Variants in TBC1D22A observed in about 807,000 individuals in gnomAD.
TBC1D22A encodes TBC1 domain family member 22A.
Under a neutral mutation model 60.2 loss-of-function variants are expected in TBC1D22A, and 38 were observed. The observed-to-expected ratio is 0.63, with a 90% CI of 0.49 to 0.83. TBC1D22A has a LOEUF of 0.83. TBC1D22A is among the 40% of genes least tolerant of loss of function. TBC1D22A has a pLI of 0.00. For missense variants in TBC1D22A, 628 were observed against 701.0 expected, an observed-to-expected ratio of 0.90 and a Z score of 1.18; for synonymous variants, 302 against 281.7, an observed-to-expected ratio of 1.07 and a Z score of -0.72.
chr22:46,806,341 A>ATTTT (rs34490073), intron 4 of TBC1D22A, among the ~76,000 whole-genome samples: 5 of 132,570 alleles, frequency 3.8e-5, no homozygotes, highest in Non-Finnish European at 7.9e-5. Flanking sequence ...CTCTGTTCTG[A>ATTTT]TTTTTTTTTT....
At chr22:46,779,410 CA>C (rs1555887735) in intron 1 of TBC1D22A, among the ~76,000 whole-genome samples, 3 of 151,950 alleles carry the variant, frequency 2.0e-5, no homozygotes, top group Non-Finnish European at 4.4e-5. Context: ...AGGTGCCCAC[CA>C]CCACACCTGG....
chr22:46,815,286 T>C (rs549932879), intron 4 of TBC1D22A, among the ~76,000 whole-genome samples: 1 of 152,346 alleles, frequency 6.6e-6, no homozygotes, highest in East Asian at 1.9e-4. Flanking sequence ...TGTTCACTCG[T>C]GTTGTCTTGC....
At chr22:47,146,665 G>A (rs560062000) in intron 12 of TBC1D22A, among the ~76,000 whole-genome samples, 1 of 152,212 alleles carries the variant, frequency 6.6e-6, no homozygotes, top group African/African-American at 2.4e-5. Flanking sequence ...GACAGGCAGC[G>A]AGATGGTTCT....
chr22:47,068,009 C>T (rs17175157), intron 11 of TBC1D22A, among the ~76,000 whole-genome samples: 16,397 of 152,300 alleles, frequency 0.11, 1,066 homozygotes, highest in Admixed American at 0.17. Flanking sequence ...AGGAGCCTTC[C>T]ATTGAGAGGG....
chr22:47,118,127 A>G (rs1004484253), intron 12 of TBC1D22A, among the ~76,000 whole-genome samples: 2 of 152,206 alleles, frequency 1.3e-5, no homozygotes, highest in African/African-American at 4.8e-5. Flanking sequence ...CGTCTCAAAA[A>G]AAATACATAA....
intron 4 of TBC1D22A, among the ~76,000 whole-genome samples, chr22:46,835,289 G>A (rs2086469809): frequency 1.3e-5 from 2 of 152,186 alleles, no homozygotes. Flanking sequence ...AACAGATGGA[G>A]ATCTACAAAT....
intron 9 of TBC1D22A, among the ~76,000 whole-genome samples, chr22:46,988,350 T>C (rs1190083483): frequency 1.3e-5 from 2 of 152,248 alleles, no homozygotes; most frequent in African/African-American, 2.4e-5. Context: ...TAATGGCATC[T>C]AGAAAAGCAG....
chr22:46,977,656 A>G (rs537581763), intron 9 of TBC1D22A, among the ~76,000 whole-genome samples: 7 of 152,336 alleles, frequency 4.6e-5, no homozygotes, highest in African/African-American at 1.7e-4. Context: ...AAGAGGTTTA[A>G]TTAGCTCACA....
intron 11 of TBC1D22A, among the ~76,000 whole-genome samples, chr22:47,045,744 T>G (rs4481): frequency 0.71 from 107,203 of 151,980 alleles, 38,314 homozygotes; most frequent in East Asian, 0.92. Context: ...CCCTGTGGGG[T>G]ACCTGCTGTG....
At chr22:47,060,720 CA>C (rs1444442514) in intron 11 of TBC1D22A, among the ~76,000 whole-genome samples, 2 of 152,218 alleles carry the variant, frequency 1.3e-5, no homozygotes, top group African/African-American at 4.8e-5. Context: ...GATGGTTCAG[CA>C]GACAAATAAT....
intron 12 of TBC1D22A, among the ~76,000 whole-genome samples, chr22:47,127,669 A>G (rs902451603): frequency 8.6e-5 from 13 of 152,004 alleles, no homozygotes; most frequent in African/African-American, 3.1e-4. Context: ...GTGGAGAGAG[A>G]ACATCCGCCT....
intron 12 of TBC1D22A, among the ~76,000 whole-genome samples, chr22:47,153,430 G>A (rs899433752): frequency 5.9e-5 from 9 of 152,078 alleles, no homozygotes; most frequent in African/African-American, 2.2e-4. Flanking sequence ...CTGCCATGGT[G>A]CTCCAAGCAG....
chr22:47,019,794 CTG>C (rs1230007317), intron 10 of TBC1D22A, among the ~76,000 whole-genome samples: 28 of 151,622 alleles, frequency 1.8e-4, no homozygotes, highest in Non-Finnish European at 3.4e-4. Context: ...TCCTTCCCCT[CTG>C]CCTTAACCCT....
intron 12 of TBC1D22A, among the ~76,000 whole-genome samples, chr22:47,151,611 A>T (rs1002633028): frequency 1.2e-4 from 19 of 152,056 alleles, no homozygotes; most frequent in Admixed American, 1.2e-3. Context: ...GGGGGTCCTG[A>T]GCACTGGGCT....
chr22:46,932,344 G>A (rs2071401004), intron 8 of TBC1D22A, among the ~76,000 whole-genome samples: 1 of 152,228 alleles, frequency 6.6e-6, no homozygotes, highest in African/African-American at 2.4e-5. Flanking sequence ...TCACCTCAAA[G>A]AGTAAAGGCC....
Position 47,044,168 on chromosome 22 carries a change from C to G in TBC1D22A, c.1329+6970C>G, listed in dbSNP as rs900728698. ...GTGTCTGTCTCAGGCCCTGCCCTTC[C>G]CTGCACCCTTCTGCTCTGTGCCTCT... On this transcript the variant is annotated intron_variant, in intron 11 of 12. Transcript: ENST00000337137. Among the ~76,000 whole-genome samples the G allele has an allele frequency of 7.2e-5, 11 of 152,326 alleles. No individual in the cohort carries two copies. In the East Asian group the frequency reaches 2.1e-3, roughly 29 times the overall value.
At position 46,932,943 on chromosome 22, in the gene TBC1D22A, T is replaced by C. The variant is rs552082147; in HGVS notation, c.1015+20755T>C. ...TTTCACCATGTTGGTTAGGCTAGTCTTGAACTCCTGACCTTGTGATCCGCC... is the reference window on the plus strand; with the variant it reads ...TTTCACCATGTTGGTTAGGCTAGTCCTGAACTCCTGACCTTGTGATCCGCC... On this transcript the variant is annotated intron_variant, in intron 8 of 12. Transcript: ENST00000337137. Among the ~76,000 whole-genome samples, 19 of 152,250 alleles carry C rather than the reference T, an allele frequency of 1.2e-4. No homozygotes were observed. The South Asian group carries it at 3.9e-3, about 32-fold the overall frequency.
chr22:46,971,140 C>T lies in TBC1D22A; in HGVS notation c.1016-3150C>T, dbSNP rs561420900. ...GAGTTAAATGCCATTACTTCATTAC[C>T]TTGAAGAGTAACAAATGGCCCATTG... On this transcript the variant is annotated intron_variant, in intron 8 of 12. Coordinates refer to ENST00000337137, the MANE Select transcript of TBC1D22A (RefSeq NM_014346.5). Among the ~76,000 whole-genome samples, 26 of 152,350 alleles carry T rather than the reference C, an allele frequency of 1.7e-4. No individual in the cohort carries two copies. In the South Asian group the frequency reaches 5.2e-3, roughly 30 times the overall value.
At chr22:46,791,801 C>T (rs1191359810) in intron 1 of TBC1D22A, among the ~76,000 whole-genome samples, 2 of 152,204 alleles carry the variant, frequency 1.3e-5, no homozygotes, top group African/African-American at 2.4e-5. Context: ...TGCTCTGTCA[C>T]CCAGGCTGCA....
Sources: gnomAD v4.1 joint callset for allele counts (sites outside exome capture counted in the v4.1 genomes callset) on GRCh38, gnomAD v4.1.1 for gene constraint, MANE v1.5 for transcripts, NCBI Gene and HGNC (gene_info 2026-07-23, HGNC 2026-07-21) for gene names.